The following GRIK4 variants were observed in gnomAD, a reference collection of about 807,000 sequenced individuals.
The protein encoded by GRIK4 is glutamate ionotropic receptor kainate type subunit 4.
A neutral mutation model predicts 104.9 loss-of-function variants in GRIK4; 40 were observed. That is an observed-to-expected ratio of 0.38 (90% CI 0.30 to 0.50). GRIK4 has a LOEUF of 0.50. Among genes scored for constraint, GRIK4 ranks in the 20% least tolerant of loss-of-function variants. GRIK4 has a pLI of 0.93. For synonymous variants in GRIK4, 485 were observed against 524.9 expected (o/e 0.92, Z 1.04); for missense variants, 1,047 against 1,308.1 (o/e 0.80, Z 3.08).
At chr11:120,800,382 G>A (rs561175611) in intron 3 of GRIK4, among the ~76,000 whole-genome samples, 1 of 152,190 alleles carries the variant, frequency 6.6e-6, no homozygotes, top group East Asian at 1.9e-4. Context: ...TTGCAAGGTC[G>A]TCATTCTCTT....
At chr11:120,526,097 G>A (rs1473607229) in intron 1 of GRIK4, among the ~76,000 whole-genome samples, 1 of 152,172 alleles carries the variant, frequency 6.6e-6, no homozygotes, top group Non-Finnish European at 1.5e-5. Context: ...GTTAGCCTTG[G>A]CAGGGGGCCT....
intron 1 of GRIK4, among the ~76,000 whole-genome samples, chr11:120,585,082 G>C (rs983674787): frequency 1.3e-5 from 2 of 152,204 alleles, no homozygotes; most frequent in Non-Finnish European, 2.9e-5. Flanking sequence ...CACAGAATGA[G>C]TTAGGGAGGA....
At chr11:120,528,909 A>G (rs1033913215) in intron 1 of GRIK4, among the ~76,000 whole-genome samples, 4 of 152,300 alleles carry the variant, frequency 2.6e-5, no homozygotes, top group Admixed American at 1.3e-4. Flanking sequence ...GGGTGGGGGC[A>G]CAGCCAAACC....
intron 1 of GRIK4, among the ~76,000 whole-genome samples, chr11:120,575,100 C>A (rs1948462029): frequency 6.6e-6 from 1 of 152,218 alleles, no homozygotes; most frequent in Non-Finnish European, 1.5e-5. Flanking sequence ...TCAGGCTTCT[C>A]AGCTCCAGAG....
intron 3 of GRIK4, among the ~76,000 whole-genome samples, chr11:120,664,800 T>C (rs1251396193): frequency 1.3e-5 from 2 of 152,232 alleles, no homozygotes; most frequent in East Asian, 1.9e-4. Flanking sequence ...CAAAGTCTAG[T>C]TGAGAGATGA....
At chr11:120,514,992 C>T (rs940667902) in intron 1 of GRIK4, 11 of 456,602 alleles carry the variant, frequency 2.4e-5, no homozygotes, top group East Asian at 6.9e-5. Flanking sequence ...CAGAGGGTAA[C>T]GCTTCTCACA....
chr11:120,892,708 C>T (rs1408965766), intron 11 of GRIK4, among the ~76,000 whole-genome samples: 3 of 152,140 alleles, frequency 2.0e-5, no homozygotes, highest in Non-Finnish European at 2.9e-5. Context: ...TGGGGTCACA[C>T]GACAGACCAA....
intron 13 of GRIK4, among the ~76,000 whole-genome samples, chr11:120,920,530 CAT>C (rs1197394284): frequency 1.3e-5 from 2 of 152,082 alleles, no homozygotes; most frequent in Non-Finnish European, 1.5e-5. Context: ...ACAGAGTGCA[CAT>C]GTGTCCAGTC....
At chr11:120,821,024 G>A (rs1427454429) in intron 6 of GRIK4, among the ~76,000 whole-genome samples, 2 of 152,152 alleles carry the variant, frequency 1.3e-5, no homozygotes, top group Admixed American at 6.5e-5. Context: ...CAAAGTTGAG[G>A]AAGTTGAGAC....
chr11:120,745,378 A>G (rs1236653489), intron 3 of GRIK4, among the ~76,000 whole-genome samples: 2 of 152,224 alleles, frequency 1.3e-5, no homozygotes, highest in Non-Finnish European at 2.9e-5. Flanking sequence ...GTACTGCATG[A>G]CAATGAGCCC....
chr11:120,670,162 C>A (rs1949990419), intron 3 of GRIK4, among the ~76,000 whole-genome samples: 1 of 152,240 alleles, frequency 6.6e-6, no homozygotes, highest in Non-Finnish European at 1.5e-5. Flanking sequence ...TACAACCCAA[C>A]TGCGTCTCAC....
At position 120,756,737 on chromosome 11, in the gene GRIK4, G is replaced by C. The variant is rs182030498; in HGVS notation, c.83-45956G>C. ...GATCCTGACACTGAGACTCCTGGAT[G>C]TTTTTATTATTTAAGAGGCAGGGAA... On this transcript the variant is annotated intron_variant, in intron 3 of 20. Coordinates refer to ENST00000527524, the MANE Select transcript of GRIK4 (RefSeq NM_014619.5). Among the ~76,000 whole-genome samples, 6 of 152,346 alleles carry C rather than the reference G, an allele frequency of 3.9e-5. No individual in the cohort carries two copies. The East Asian group carries it at 1.2e-3, about 29-fold the overall frequency.
chr11:120,624,696 C>T (rs1435031873), intron 1 of GRIK4, among the ~76,000 whole-genome samples: 1 of 152,214 alleles, frequency 6.6e-6, no homozygotes, highest in East Asian at 1.9e-4. Context: ...GAATTGCTCT[C>T]AACCTGTTCT....
At chr11:120,706,355 C>A (rs555022694) in intron 3 of GRIK4, among the ~76,000 whole-genome samples, 50 of 152,334 alleles carry the variant, frequency 3.3e-4, no homozygotes, top group Non-Finnish European at 7.4e-5. Flanking sequence ...CTGATCCAGC[C>A]TGAGTGCTGT....
Position 120,845,380 on chromosome 11 carries a change from A to C in GRIK4, c.744+8536A>C, listed in dbSNP as rs1426642553. On this transcript the variant is annotated intron_variant, in intron 8 of 20. Coordinates refer to ENST00000527524, the MANE Select transcript of GRIK4 (RefSeq NM_014619.5). Reference sequence around the variant, plus strand: ...ACATTATTTTGTGAAGACGATGGGAAGTTTCTAATCCTGAGGGTTGTTAGT... The same window carrying C: ...ACATTATTTTGTGAAGACGATGGGACGTTTCTAATCCTGAGGGTTGTTAGT... Among the ~76,000 whole-genome samples, 3 of 152,296 alleles carry C rather than the reference A, an allele frequency of 2.0e-5. No homozygotes were observed. The East Asian group carries it at 5.8e-4, about 29-fold the overall frequency.
chr11:120,580,422 C>T (rs1175110811), intron 1 of GRIK4, among the ~76,000 whole-genome samples: 1 of 151,808 alleles, frequency 6.6e-6, no homozygotes, highest in Non-Finnish European at 1.5e-5. Flanking sequence ...ATTACAGGTG[C>T]ACACCACCAT....
chr11:120,922,936 A>G (rs1591287656), intron 13 of GRIK4, among the ~76,000 whole-genome samples: 1 of 152,242 alleles, frequency 6.6e-6, no homozygotes, highest in African/African-American at 2.4e-5. Flanking sequence ...AAATAGCAGC[A>G]TGTAGTATGG....
chr11:120,620,038 A>G, intron 1 of GRIK4: 1 of 615,944 alleles, frequency 1.6e-6, no homozygotes, highest in Non-Finnish European at 3.0e-6. Flanking sequence ...CCTGTGTGTA[A>G]AATACGTGCA....
intron 1 of GRIK4, among the ~76,000 whole-genome samples, chr11:120,613,915 A>G (rs58366343): frequency 0.022 from 3,290 of 152,322 alleles, 108 homozygotes; most frequent in African/African-American, 0.075. Context: ...CCTAGAAAAG[A>G]GGAATCTGTG....
Sources: allele counts gnomAD v4.1 joint callset (sites outside exome capture counted in the v4.1 genomes callset), GRCh38; gene constraint gnomAD v4.1.1; transcripts MANE v1.5; gene names NCBI Gene and HGNC (gene_info 2026-07-23, HGNC 2026-07-21).